Variants in ADCK1 observed in about 807,000 individuals in gnomAD.
The protein encoded by ADCK1 is aarF domain-containing protein kinase 1.
ADCK1 carries 41 observed loss-of-function variants against 52.3 expected under a neutral mutation model. That is an observed-to-expected ratio of 0.78 (90% CI 0.61 to 1.02). The LOEUF (loss-of-function observed/expected upper bound fraction) is 1.02. Ranked by LOEUF, ADCK1 falls within the 50% of genes least tolerant of loss-of-function variation. The pLI is 0.00. For missense variants in ADCK1, 658 were observed against 679.5 expected (o/e 0.97, Z 0.35); for synonymous variants, 250 against 274.6 (o/e 0.91, Z 0.89).
In ADCK1 at chr14:77,933,514, T is replaced by A; in HGVS notation, c.*123T>A. The A allele has an allele frequency of 8.3e-7, 1 of 1,211,864 alleles. No individual in the cohort carries two copies. The highest frequency in any genetic ancestry group is 1.2e-6 in the Non-Finnish European group (1 of 842,844). 75.1% of individuals were successfully genotyped at this position (1,211,864 alleles called of 1,614,324 possible). ...CGCAGCCCCAGAGTCACTGTCCATG[T>A]CACCATCCTTCTCCTCCTTTGGAAT... is the stretch of plus-strand genomic sequence containing the variant. On this transcript the variant is annotated 3_prime_UTR_variant, in exon 11 of 11. Transcript: ENST00000238561.
chr14:77,810,947 G>A (rs2081328273), intron 1 of ADCK1, among the ~76,000 whole-genome samples: 1 of 151,970 alleles, frequency 6.6e-6, no homozygotes, highest in Non-Finnish European at 1.5e-5. Context: ...GAAGGAAGCT[G>A]TGTAAGGAGC....
intron 5 of ADCK1, among the ~76,000 whole-genome samples, chr14:77,893,142 T>A (rs2083317987): frequency 6.6e-6 from 1 of 152,222 alleles, no homozygotes; most frequent in Non-Finnish European, 1.5e-5. Context: ...GCAACTCTAC[T>A]TCTAGATGCA....
At chr14:77,930,638 C>A (rs1356894597) in intron 9 of ADCK1, among the ~76,000 whole-genome samples, 1 of 152,182 alleles carries the variant, frequency 6.6e-6, no homozygotes, top group African/African-American at 2.4e-5. Flanking sequence ...CTTACTAGCA[C>A]TTAACTTCTC....
intron 2 of ADCK1, among the ~76,000 whole-genome samples, chr14:77,821,847 G>T (rs1221099067): frequency 7.3e-6 from 1 of 137,862 alleles, no homozygotes; most frequent in Non-Finnish European, 1.5e-5. Context: ...CCGAGATCAT[G>T]CCAGTGCACT....
chr14:77,931,464 T>C, intron 9 of ADCK1, 54 bp from the exon 10 acceptor site: 2 of 1,565,816 alleles, frequency 1.3e-6, no homozygotes, highest in South Asian at 2.4e-5. Flanking sequence ...CTGCCACCCC[T>C]GGCCCCACTG....
At chr14:77,917,383 C>G (rs2140278869) in intron 7 of ADCK1, among the ~76,000 whole-genome samples, 1 of 152,284 alleles carries the variant, frequency 6.6e-6, no homozygotes, top group East Asian at 1.9e-4. Flanking sequence ...TCCTGTAACA[C>G]CAACCCCGTT....
intron 3 of ADCK1, among the ~76,000 whole-genome samples, chr14:77,836,647 G>A (rs1299244076): frequency 6.6e-6 from 1 of 152,174 alleles, no homozygotes; most frequent in African/African-American, 2.4e-5. Flanking sequence ...CATGCTGCTG[G>A]TGGGAAGCAT....
chr14:77,823,481 A>G (rs1408093222), intron 3 of ADCK1, among the ~76,000 whole-genome samples: 1 of 152,232 alleles, frequency 6.6e-6, no homozygotes, highest in Admixed American at 6.5e-5. Flanking sequence ...AGAGAACAGT[A>G]GAATGAACTC....
At chr14:77,811,503 T>C (rs981329718) in intron 1 of ADCK1, among the ~76,000 whole-genome samples, 1 of 152,132 alleles carries the variant, frequency 6.6e-6, no homozygotes, top group Non-Finnish European at 1.5e-5. Context: ...CAGTACACTC[T>C]CCTGTCCAGA....
At chr14:77,829,317 G>C (rs1043536408) in intron 3 of ADCK1, among the ~76,000 whole-genome samples, 4 of 145,004 alleles carry the variant, frequency 2.8e-5, no homozygotes, top group African/African-American at 7.6e-5. Flanking sequence ...TTTGAGACAT[G>C]GTCTTGCCCT....
intron 3 of ADCK1, among the ~76,000 whole-genome samples, chr14:77,832,584 GGAA>G (rs1252793715): frequency 3.3e-5 from 5 of 152,206 alleles, no homozygotes; most frequent in African/African-American, 1.2e-4. Flanking sequence ...CACCGGAGGA[GGAA>G]GAAGGGCAAT....
chr14:77,833,271 T>G (rs923158994), intron 3 of ADCK1, among the ~76,000 whole-genome samples: 1 of 152,198 alleles, frequency 6.6e-6, no homozygotes, highest in Non-Finnish European at 1.5e-5. Context: ...GAGCTACAGC[T>G]CCTTTGCACG....
chr14:77,838,131 A>G (rs2081997613), intron 3 of ADCK1, among the ~76,000 whole-genome samples: 2 of 152,126 alleles, frequency 1.3e-5, no homozygotes, highest in Admixed American at 1.3e-4. Context: ...CCAAATTAAA[A>G]TCCACTCAGC....
At position 77,915,952 on chromosome 14, in the gene ADCK1, C is replaced by G. The variant is rs116165206; in HGVS notation, c.858+8033C>G. 6.0e-3 allele frequency among the ~76,000 whole-genome samples: 918 copies of G among 152,318 alleles called. 13 individuals carry two copies. The highest frequency in any genetic ancestry group is 0.021 in the African/African-American group (880 of 41,574). ...TGAAACAGAACGCTTGGTACGGTGCCAGGCCCAGCATATGTCCTCATCACA... is the reference window on the plus strand; with the variant it reads ...TGAAACAGAACGCTTGGTACGGTGCGAGGCCCAGCATATGTCCTCATCACA... On this transcript the variant is annotated intron_variant, in intron 7 of 10. Coordinates refer to ENST00000238561, the MANE Select transcript of ADCK1 (RefSeq NM_020421.4).
At chr14:77,858,896 G>A (rs1245471296) in intron 3 of ADCK1, among the ~76,000 whole-genome samples, 180 bp from the exon 4 acceptor site, 2 of 152,160 alleles carry the variant, frequency 1.3e-5, no homozygotes, top group Non-Finnish European at 2.9e-5. Context: ...TGACTGCCCC[G>A]TGTACCAGGA....
intron 5 of ADCK1, 98 bp from the exon 6 acceptor site, chr14:77,899,002 A>C: frequency 6.7e-7 from 1 of 1,501,056 alleles, no homozygotes; most frequent in Non-Finnish European, 9.0e-7. Flanking sequence ...CCAGGGGAGC[A>C]GTTTCCCTTA....
rs780290432 is a variant in ADCK1 at position 77,815,055 on chromosome 14, A to AT, written c.-11-3896dup. Among the ~76,000 whole-genome samples the AT allele has an allele frequency of 8.5e-3, 1,162 of 137,042 alleles. 16 individuals carry two copies. The highest frequency in any genetic ancestry group is 0.024 in the African/African-American group (915 of 37,512). 89.9% of individuals were successfully genotyped at this position (137,042 alleles called of 152,430 possible). A position where few individuals can be genotyped will look rare whatever the true frequency, so the allele number is the denominator to read the frequency against. On this transcript the variant is annotated intron_variant, in intron 1 of 10. Transcript: ENST00000238561. ...AGGCACGTGACACCACGCCCAGCTA[A>AT]TTTTTTTTTTTTTTTTTAGTAGAGA...
chr14:77,856,877 G>A (rs7158755), intron 3 of ADCK1, among the ~76,000 whole-genome samples: 34,950 of 151,892 alleles, frequency 0.23, 4,064 homozygotes, highest in Middle Eastern at 0.33. Context: ...GGTGGTATGC[G>A]CCTGTAATTA....
chr14:77,834,603 A>G (rs2081923908), intron 3 of ADCK1, among the ~76,000 whole-genome samples: 1 of 152,224 alleles, frequency 6.6e-6, no homozygotes, highest in South Asian at 2.1e-4. Context: ...TAATGAAACA[A>G]AACAACCCCC....
Sources: gnomAD v4.1 joint callset for allele counts (sites outside exome capture counted in the v4.1 genomes callset) on GRCh38, gnomAD v4.1.1 for gene constraint, MANE v1.5 for transcripts, NCBI Gene and HGNC (gene_info 2026-07-23, HGNC 2026-07-21) for gene names.